The following NLGN1 variants were observed in gnomAD, a reference collection of about 807,000 sequenced individuals.
The protein encoded by NLGN1 is neuroligin 1, also known as neuroligin-1.
Under a neutral mutation model 65.5 loss-of-function variants are expected in NLGN1, and 12 were observed. The ratio of observed to expected loss-of-function variants is 0.18; its 90% CI spans 0.12 to 0.30. The LOEUF (loss-of-function observed/expected upper bound fraction) is 0.30. Ranked by LOEUF, NLGN1 falls within the 10% of genes least tolerant of loss-of-function variation. NLGN1 has a pLI of 1.00. For missense variants in NLGN1, 750 were observed against 1,007.1 expected, an observed-to-expected ratio of 0.74 and a Z score of 3.46; for synonymous variants, 350 against 359.5, an observed-to-expected ratio of 0.97 and a Z score of 0.30.
chr3:173,597,063 G>C (rs1193015673), intron 2 of NLGN1, among the ~76,000 whole-genome samples: 1 of 152,080 alleles, frequency 6.6e-6, no homozygotes, highest in Non-Finnish European at 1.5e-5. Flanking sequence ...AACTAACCCC[G>C]GCAAGCAGAT....
At chr3:173,588,032 T>TGA (rs1297185355) in intron 2 of NLGN1, among the ~76,000 whole-genome samples, 1 of 152,194 alleles carries the variant, frequency 6.6e-6, no homozygotes, top group East Asian at 1.9e-4. Context: ...ATTTAACACA[T>TGA]GACACTTCCA....
At chr3:173,760,377 CTAA>C (rs1168883730) in intron 3 of NLGN1, among the ~76,000 whole-genome samples, 2 of 151,684 alleles carry the variant, frequency 1.3e-5, no homozygotes, top group Non-Finnish European at 2.9e-5. Flanking sequence ...AGTAAATATA[CTAA>C]TAATTAAATA....
At chr3:174,055,586 A>G (rs1377424282) in intron 4 of NLGN1, among the ~76,000 whole-genome samples, 2 of 152,050 alleles carry the variant, frequency 1.3e-5, no homozygotes, top group East Asian at 3.9e-4. Context: ...TAGGCACTCT[A>G]GGAAAATTCA....
At chr3:174,129,113 C>T (rs1414831442) in intron 4 of NLGN1, among the ~76,000 whole-genome samples, 1 of 151,944 alleles carries the variant, frequency 6.6e-6, no homozygotes, top group Middle Eastern at 3.2e-3. Flanking sequence ...AGATAAGTAG[C>T]GTATAAAAGC....
At position 173,736,209 on chromosome 3, in the gene NLGN1, A is replaced by G. The variant is rs114659959; in HGVS notation, c.494-71471A>G. ...ACTTAATACAGTATATAGAAGTGAG[A>G]ATGCTTTCTACCTACCTTCTTTTCT... On this transcript the variant is annotated intron_variant, in intron 3 of 6. Transcript: ENST00000457714. Among the ~76,000 whole-genome samples, 636 of 151,970 alleles carry G rather than the reference A, an allele frequency of 4.2e-3. 7 individuals carry two copies. The highest frequency in any genetic ancestry group is 0.015 in the African/African-American group (602 of 41,474).
rs79123385 is a variant in NLGN1, at chr3:174,177,984, G to T, written c.647-97331G>T. 5.4e-3 allele frequency among the ~76,000 whole-genome samples: 816 copies of T among 152,162 alleles called. 4 individuals carry two copies. Among genetic ancestry groups the T allele is most frequent in the African/African-American group, 0.019 (774 of 41,548 alleles). ...GGGTCGGGTGTGAGATGAATTCTTA[G>T]CTGTCCCACTCACTAGCTTTCTAAA... On this transcript the variant is annotated intron_variant, in intron 4 of 6. Transcript: ENST00000457714.
intron 4 of NLGN1, among the ~76,000 whole-genome samples, chr3:174,143,147 C>A (rs1722608538): frequency 6.6e-6 from 1 of 152,140 alleles, no homozygotes; most frequent in Non-Finnish European, 1.5e-5. Context: ...TCCCACCAGG[C>A]CCCACCTCCA....
At position 174,146,090 on chromosome 3, in the gene NLGN1, TCTTTTCCTTCCTTCCTTC is replaced by T. The variant is rs1305913763; in HGVS notation, c.647-129221_647-129204del. On this transcript the variant is annotated intron_variant, in intron 4 of 6. Coordinates refer to ENST00000457714, the Ensembl canonical transcript of NLGN1. ...AATATAACCTATTAATCTATTCTAC[TCTTTTCCTTCCTTCCTTC>T]CTTCCTTCCTTCCTTCCTTCCTTCC... Among the ~76,000 whole-genome samples, 8 of 150,150 alleles carry T rather than the reference TCTTTTCCTTCCTTCCTTC, an allele frequency of 5.3e-5. No homozygotes were observed. The East Asian group carries it at 1.4e-3, about 27-fold the overall frequency.
chr3:173,886,594 T>A (rs1364361686), intron 4 of NLGN1, among the ~76,000 whole-genome samples: 2 of 152,110 alleles, frequency 1.3e-5, no homozygotes, highest in African/African-American at 4.8e-5. Context: ...GAACTTATAC[T>A]ATATATAAGG....
At chr3:173,902,253 G>A (rs1010492767) in intron 4 of NLGN1, among the ~76,000 whole-genome samples, 1 of 152,052 alleles carries the variant, frequency 6.6e-6, no homozygotes, top group Non-Finnish European at 1.5e-5. Flanking sequence ...AAAAGGAGGT[G>A]AGTTCACTTA....
intron 4 of NLGN1, among the ~76,000 whole-genome samples, chr3:174,070,892 T>C (rs1158881534): frequency 6.6e-6 from 1 of 151,990 alleles, no homozygotes; most frequent in Non-Finnish European, 1.5e-5. Flanking sequence ...CCCATCTCTA[T>C]GAAAAATTTG....
intron 3 of NLGN1, among the ~76,000 whole-genome samples, chr3:173,613,275 T>C (rs561077120): frequency 1.3e-5 from 2 of 152,222 alleles, no homozygotes; most frequent in African/African-American, 4.8e-5. Flanking sequence ...TGGGGTTAAA[T>C]AAGTTGCCCA....
At chr3:174,029,560 A>G (rs1283902477) in intron 4 of NLGN1, among the ~76,000 whole-genome samples, 1 of 152,154 alleles carries the variant, frequency 6.6e-6, no homozygotes, top group East Asian at 1.9e-4. Context: ...TAATGCTGGA[A>G]TGAGTTAGGA....
intron 4 of NLGN1, among the ~76,000 whole-genome samples, chr3:173,846,332 G>A (rs1236056596): frequency 7.9e-5 from 12 of 152,104 alleles, no homozygotes; most frequent in Admixed American, 7.9e-4. Context: ...GGGTGACCCA[G>A]GGCTCAGTGC....
chr3:174,041,216 T>G (rs529222585), intron 4 of NLGN1, among the ~76,000 whole-genome samples: 16 of 152,300 alleles, frequency 1.1e-4, no homozygotes, highest in Admixed American at 3.9e-4. Flanking sequence ...GTTTAGAAGT[T>G]CTTATAAATG....
intron 4 of NLGN1, among the ~76,000 whole-genome samples, chr3:174,163,331 C>T (rs922457536): frequency 2.0e-5 from 3 of 151,988 alleles, no homozygotes; most frequent in African/African-American, 7.2e-5. Flanking sequence ...CTTTAACATA[C>T]AAAGTAAATT....
At chr3:173,785,325 A>G (rs535589258) in intron 3 of NLGN1, among the ~76,000 whole-genome samples, 22 of 152,284 alleles carry the variant, frequency 1.4e-4, no homozygotes, top group Admixed American at 3.9e-4. Flanking sequence ...TTTATTCCCC[A>G]TCAATATATC....
chr3:174,205,673 T>C (rs889606058), intron 4 of NLGN1, among the ~76,000 whole-genome samples: 3 of 152,196 alleles, frequency 2.0e-5, no homozygotes, highest in Non-Finnish European at 4.4e-5. Flanking sequence ...ATGTCCCTTA[T>C]CTAATTTCTG....
At chr3:174,080,714 C>A (rs1741979666) in intron 4 of NLGN1, among the ~76,000 whole-genome samples, 1 of 151,732 alleles carries the variant, frequency 6.6e-6, no homozygotes, top group Admixed American at 6.6e-5. Flanking sequence ...ACTTGCCCAG[C>A]TCCTGAGATC....
Sources: allele counts gnomAD v4.1 joint callset (sites outside exome capture counted in the v4.1 genomes callset), GRCh38; gene constraint gnomAD v4.1.1; transcripts MANE v1.5; gene names NCBI Gene and HGNC (gene_info 2026-07-23, HGNC 2026-07-21).